The following SH3BGRL2 variants were observed in gnomAD, a reference collection of about 807,000 sequenced individuals.
The protein encoded by SH3BGRL2 is SH3 domain-binding glutamic acid-rich-like protein 2.
In SH3BGRL2, 21 loss-of-function variants were observed where a neutral mutation model predicts 14.8. The observed-to-expected ratio is 1.42, with a 90% CI of 1.01 to 2.05. SH3BGRL2 has a LOEUF of 2.05. Ranked by LOEUF, SH3BGRL2 falls within the 30% of genes most tolerant of loss-of-function variation. SH3BGRL2 has a pLI of 0.00. For missense variants in SH3BGRL2, 147 were observed against 130.8 expected (o/e 1.12, Z -0.61); for synonymous variants, 50 against 47.8 (o/e 1.05, Z -0.19).
chr6:79,577,579 A>C, the SH3BGRL2 span, among the ~76,000 whole-genome samples: 2 of 152,334 alleles, frequency 1.3e-5, no homozygotes, highest in South Asian at 4.1e-4. Context: ...AAGTGACATT[A>C]AAAATTAAAA....
the SH3BGRL2 span, among the ~76,000 whole-genome samples, chr6:79,623,765 A>G: frequency 6.6e-6 from 1 of 152,252 alleles, no homozygotes; most frequent in African/African-American, 2.4e-5. Context: ...AAAAAGCACT[A>G]AAAGCAAATG....
At position 79,703,486 on chromosome 6, in the gene SH3BGRL2, T is replaced by C. The variant is rs11547086; in HGVS notation, c.*3977T>C. ...ACCCCTGTGTGCCTACCACCCACCTTATTGCCTTTCCTTTGAGGTACCGTG... is the reference window on the plus strand; with the variant it reads ...ACCCCTGTGTGCCTACCACCCACCTCATTGCCTTTCCTTTGAGGTACCGTG... On this transcript the variant is annotated 3_prime_UTR_variant, in exon 4 of 4. Transcript: ENST00000369838. The C allele has an allele frequency of 1.3e-5, 2 of 152,154 alleles. No individual in the cohort carries two copies. The highest frequency in any genetic ancestry group is 3.9e-4 in the East Asian group (2 of 5,192). 9.4% of individuals were successfully genotyped at this position (152,154 alleles called of 1,614,324 possible).
chr6:79,657,026 A>G (rs1393929534), intron 1 of SH3BGRL2, among the ~76,000 whole-genome samples: 1 of 152,238 alleles, frequency 6.6e-6, no homozygotes, highest in African/African-American at 2.4e-5. Flanking sequence ...TAATTTAGAG[A>G]AAAGAGATGG....
At chr6:79,590,763 A>C in the SH3BGRL2 span, among the ~76,000 whole-genome samples, 1 of 152,074 alleles carries the variant, frequency 6.6e-6, no homozygotes, top group Non-Finnish European at 1.5e-5. Flanking sequence ...TCCATAGCCC[A>C]AACCTGAGCA....
chr6:79,666,422 G>C (rs1366248904), intron 1 of SH3BGRL2, among the ~76,000 whole-genome samples: 2 of 152,178 alleles, frequency 1.3e-5, no homozygotes, highest in African/African-American at 4.8e-5. Flanking sequence ...ATCATGAATG[G>C]CTTTGGTGTA....
chr6:79,695,980 C>CT (rs1364686015), intron 2 of SH3BGRL2, among the ~76,000 whole-genome samples: 2 of 152,098 alleles, frequency 1.3e-5, no homozygotes, highest in Non-Finnish European at 2.9e-5. Context: ...TTTTTATTCC[C>CT]TCTAAGGAGA....
chr6:79,609,656 A>G, the SH3BGRL2 span, among the ~76,000 whole-genome samples: 1 of 152,188 alleles, frequency 6.6e-6, no homozygotes, highest in Non-Finnish European at 1.5e-5. Flanking sequence ...GGCAATTATT[A>G]TTCGTTCATA....
chr6:79,629,883 G>T (rs958669603), upstream of SH3BGRL2, among the ~76,000 whole-genome samples: 1 of 152,068 alleles, frequency 6.6e-6, no homozygotes, highest in Non-Finnish European at 1.5e-5. Context: ...CCAATTATTT[G>T]AGTTTAACTA....
intron 2 of SH3BGRL2, among the ~76,000 whole-genome samples, chr6:79,685,222 G>C (rs551509439): frequency 6.6e-6 from 1 of 152,132 alleles, no homozygotes; most frequent in Non-Finnish European, 1.5e-5. Flanking sequence ...ACAGTTTGAG[G>C]CCTCTCCAGT....
chr6:79,582,261 T>C, the SH3BGRL2 span, among the ~76,000 whole-genome samples: 3 of 152,188 alleles, frequency 2.0e-5, no homozygotes, highest in South Asian at 6.2e-4. Context: ...CCAATGACTT[T>C]CTTCACAGAG....
chr6:79,676,605 ATGTGTGTGTG>A (rs58234438), intron 2 of SH3BGRL2, among the ~76,000 whole-genome samples: 5 of 139,672 alleles, frequency 3.6e-5, no homozygotes, highest in African/African-American at 1.1e-4. Context: ...GTCTTTATGT[ATGTGTGTGTG>A]TGTGTGTGTG....
chr6:79,622,098 T>C, the SH3BGRL2 span, among the ~76,000 whole-genome samples: 1 of 152,168 alleles, frequency 6.6e-6, no homozygotes, highest in Admixed American at 6.5e-5. Context: ...TGTACACATC[T>C]TGTTATGTGA....
chr6:79,662,521 A>T (rs1769572344), intron 1 of SH3BGRL2, among the ~76,000 whole-genome samples: 1 of 152,194 alleles, frequency 6.6e-6, no homozygotes, highest in South Asian at 2.1e-4. Flanking sequence ...ATCCACTGTT[A>T]GTCTGATGGG....
intron 1 of SH3BGRL2, among the ~76,000 whole-genome samples, chr6:79,640,560 T>C (rs1035472645): frequency 6.6e-6 from 1 of 152,160 alleles, no homozygotes; most frequent in Non-Finnish European, 1.5e-5. Flanking sequence ...TTGTTACTAT[T>C]GACAGCTTAT....
At chr6:79,659,341 C>T (rs559197406) in intron 1 of SH3BGRL2, among the ~76,000 whole-genome samples, 101 of 152,304 alleles carry the variant, frequency 6.6e-4, no homozygotes, top group Non-Finnish European at 1.2e-3. Context: ...GATACAGTTT[C>T]AGCTTTCTAC....
At chr6:79,548,473 G>A in the SH3BGRL2 span, among the ~76,000 whole-genome samples, 1 of 152,162 alleles carries the variant, frequency 6.6e-6, no homozygotes, top group African/African-American at 2.4e-5. Context: ...GCCAGCGGGA[G>A]TTTTGATTAT....
At chr6:79,577,802 C>G in the SH3BGRL2 span, among the ~76,000 whole-genome samples, 1 of 152,150 alleles carries the variant, frequency 6.6e-6, no homozygotes. Context: ...TGAGGGTGAG[C>G]CGAAGCAGGG....
chr6:79,576,039 T>A, the SH3BGRL2 span, among the ~76,000 whole-genome samples: 1 of 152,162 alleles, frequency 6.6e-6, no homozygotes. Context: ...CATTGCTATG[T>A]AACTAGCAAA....
chr6:79,697,014 A>C (rs1195408119), intron 3 of SH3BGRL2, among the ~76,000 whole-genome samples: 1 of 152,162 alleles, frequency 6.6e-6, no homozygotes, highest in Non-Finnish European at 1.5e-5. Flanking sequence ...TTTAATCAAA[A>C]TATTTTGAAG....
Sources: gnomAD v4.1 joint callset for allele counts (sites outside exome capture counted in the v4.1 genomes callset) on GRCh38, gnomAD v4.1.1 for gene constraint, MANE v1.5 for transcripts, NCBI Gene and HGNC (gene_info 2026-07-23, HGNC 2026-07-21) for gene names.